RIF1: variants seen among roughly 807,000 people sequenced by gnomAD.
The protein encoded by RIF1 is telomere-associated protein RIF1.
Under a neutral mutation model 247.1 loss-of-function variants are expected in RIF1, and 45 were observed. The ratio of observed to expected loss-of-function variants is 0.18; its 90% CI spans 0.14 to 0.23. RIF1 has a LOEUF of 0.23. Ranked by LOEUF, RIF1 falls within the 10% of genes least tolerant of loss-of-function variation. The pLI is 1.00. For missense variants in RIF1, 2,967 were observed against 2,862.5 expected (o/e 1.04, Z -0.83); for synonymous variants, 1,087 against 978.8 (o/e 1.11, Z -2.06).
chr2:151,421,833 T>C (rs982794927), intron 7 of RIF1, among the ~76,000 whole-genome samples: 7 of 152,014 alleles, frequency 4.6e-5, no homozygotes, highest in African/African-American at 1.7e-4. Flanking sequence ...TAGTGACATA[T>C]ATAATTTTTT....
chr2:151,428,057 A>C (rs577036941), intron 8 of RIF1, among the ~76,000 whole-genome samples: 1 of 147,534 alleles, frequency 6.8e-6, no homozygotes, highest in South Asian at 2.1e-4. Context: ...CTCCATCTCA[A>C]ACAAAACAAA....
At chr2:151,468,280 C>A in intron 31 of RIF1, 134 bp downstream of exon 31, 2 of 931,342 alleles carry the variant, frequency 2.1e-6, no homozygotes, top group Non-Finnish European at 3.2e-6. Flanking sequence ...GTCTGGTACA[C>A]GGTAAGCAGA....
chr2:151,445,104 G>A (rs990236603), intron 18 of RIF1, among the ~76,000 whole-genome samples: 3 of 152,164 alleles, frequency 2.0e-5, no homozygotes, highest in African/African-American at 7.2e-5. Context: ...AGAAAAGACT[G>A]TTCATTGGAT....
intron 13 of RIF1, chr2:151,507,708 T>A: frequency 3.1e-6 from 1 of 323,000 alleles, no homozygotes; most frequent in Non-Finnish European, 5.7e-6. Context: ...GTCTCTCTTG[T>A]TAATCTGTCT....
In RIF1 at chr2:151,416,626, C is replaced by T. The variant is rs200051569; in HGVS notation, c.346C>T (p.Arg116Cys). 843 of 1,610,296 alleles carry T rather than the reference C, an allele frequency of 5.2e-4. No homozygotes were observed. The highest frequency in any genetic ancestry group is 6.8e-4 in the Non-Finnish European group (797 of 1,179,014). Reference sequence around the variant, plus strand: ...CATTAAGAATTCAGACAAAAATGTACGTACTAGAGCACTTTGGGTGATATC... The same window carrying T: ...CATTAAGAATTCAGACAAAAATGTATGTACTAGAGCACTTTGGGTGATATC... ...DTIKNSDKNV[R>C]TRALWVISKQ... Residue 116 changes from arginine (R) to cysteine (C), a missense_variant, in exon 5 of 36, where the codon CGT becomes TGT. Transcript: ENST00000444746.
At chr2:151,518,378 G>A in the RIF1 span, 2 of 1,612,568 alleles carry the variant, frequency 1.2e-6, no homozygotes, top group Non-Finnish European at 1.7e-6. Context: ...CGGGTATGGT[G>A]TGGTAGTGGC....
chr2:151,531,300 TTTTC>T, the RIF1 span, among the ~76,000 whole-genome samples: 6 of 147,094 alleles, frequency 4.1e-5, no homozygotes, highest in Non-Finnish European at 8.9e-5. Flanking sequence ...AACTCTCTTT[TTTTC>T]TTTCTTTTTT....
At chr2:151,521,111 A>C in the RIF1 span, among the ~76,000 whole-genome samples, 1 of 152,142 alleles carries the variant, frequency 6.6e-6, no homozygotes, top group East Asian at 1.9e-4. Context: ...TGTTAAGATG[A>C]AAGACTCACT....
At chr2:151,499,465 C>T in exon 11 of RIF1, 1 of 787,010 alleles carries the variant, frequency 1.3e-6, no homozygotes, top group Non-Finnish European at 2.1e-6. Context: ...TGTGGGGAAC[C>T]TGGTATAAAA....
rs61750443 is a variant in RIF1, at chr2:151,433,153, A to G, written c.1002A>G (p.Leu334=). 20 of 1,613,134 alleles carry G rather than the reference A, an allele frequency of 1.2e-5. No individual in the cohort carries two copies. Among genetic ancestry groups the G allele is most frequent in the Non-Finnish European group, 1.6e-5 (19 of 1,179,254 alleles). ...CCATCCATGTGAGAACAGAAACTCT[A>G]GCATTAACAAAACTAGAAGTCTGGT... ...LSSIHVRTET[L]ALTKLEVWWY... The change falls in exon 10 of 36, where the codon CTA becomes CTG. Residue 334 remains leucine (L), a synonymous_variant. Coordinates refer to ENST00000444746, the MANE Select transcript of RIF1 (RefSeq NM_018151.5).
At chr2:151,486,069 A>G (rs1037087466), downstream of RIF1, 72 of 859,728 alleles carry the variant, frequency 8.4e-5, 1 homozygote, top group Admixed American at 2.3e-4. Flanking sequence ...GCATCAACAA[A>G]GTAAAAGGAA....
intron 13 of RIF1, 121 bp downstream of exon 13, chr2:151,437,472 C>G: frequency 2.8e-6 from 2 of 716,964 alleles, no homozygotes. Flanking sequence ...GAGTGGATCA[C>G]TTGAGCTCAG....
chr2:151,496,495 C>A (rs901198129), intron 10 of RIF1: 3 of 1,450,736 alleles, frequency 2.1e-6, no homozygotes, highest in Non-Finnish European at 2.8e-6. Context: ...AAGTTATATG[C>A]TGACAAAATG....
the RIF1 span, chr2:151,531,947 T>C: frequency 8.6e-7 from 1 of 1,164,362 alleles, no homozygotes; most frequent in Non-Finnish European, 1.3e-6. Context: ...GAGTGGGCTT[T>C]AAGGTATCTA....
chr2:151,447,288 T>A (rs907274591), intron 20 of RIF1, among the ~76,000 whole-genome samples: 3 of 152,230 alleles, frequency 2.0e-5, no homozygotes, highest in African/African-American at 7.2e-5. Context: ...GGGAACAGAT[T>A]GATATGCGTC....
At chr2:151,498,423 T>A (rs578076414) in intron 10 of RIF1, 2 of 1,103,652 alleles carry the variant, frequency 1.8e-6, no homozygotes, top group Non-Finnish European at 2.6e-6. Context: ...TTTGGAGCAG[T>A]TGGGAGTGGG....
chr2:151,526,881 G>A, the RIF1 span: 7 of 1,392,374 alleles, frequency 5.0e-6, no homozygotes, highest in Middle Eastern at 1.8e-4. Flanking sequence ...ATGGCCCTGA[G>A]TGAGGTTAGG....
chr2:151,413,067 C>T (rs1215700410), intron 3 of RIF1, among the ~76,000 whole-genome samples: 6 of 148,206 alleles, frequency 4.0e-5, no homozygotes, highest in Admixed American at 4.0e-4. Context: ...TTTTTTGAGA[C>T]GGAGTTTTGC....
At chr2:151,484,214 T>C (rs1258368340), downstream of RIF1, among the ~76,000 whole-genome samples, 4 of 152,224 alleles carry the variant, frequency 2.6e-5, no homozygotes, top group Non-Finnish European at 5.9e-5. Context: ...AAGAAAAATC[T>C]GTAAGAGACA....
Sources: allele counts gnomAD v4.1 joint callset (sites outside exome capture counted in the v4.1 genomes callset), GRCh38; gene constraint gnomAD v4.1.1; transcripts MANE v1.5; gene names NCBI Gene and HGNC (gene_info 2026-07-23, HGNC 2026-07-21).